UBE2F: variants seen among roughly 807,000 people sequenced by gnomAD.
The protein encoded by UBE2F is ubiquitin conjugating enzyme E2 F (putative), also known as NEDD8-conjugating enzyme UBE2F.
In UBE2F, 5 loss-of-function variants were observed where a neutral mutation model predicts 29.6. The observed-to-expected ratio is 0.17, with a 90% confidence interval of 0.09 to 0.36. The LOEUF (loss-of-function observed/expected upper bound fraction) is 0.36. Among genes scored for constraint, UBE2F ranks in the 10% least tolerant of loss-of-function variants. The pLI is 1.00. For synonymous variants in UBE2F, 66 were observed against 81.8 expected (o/e 0.81, Z 1.04); for missense variants, 141 against 228.5 (o/e 0.62, Z 2.47).
chr2:237,984,996 CAAAAAA>C (rs55984976), intron 2 of UBE2F, among the ~76,000 whole-genome samples: 2 of 129,972 alleles, frequency 1.5e-5, no homozygotes. Context: ...TGGAAAAAGG[CAAAAAA>C]AAAAAAAAAA....
chr2:237,991,870 C>CTT (rs71402746), intron 3 of UBE2F, among the ~76,000 whole-genome samples: 59 of 142,610 alleles, frequency 4.1e-4, no homozygotes, highest in South Asian at 8.9e-4. Flanking sequence ...TTGATAATTT[C>CTT]TTTTTTTTTT....
chr2:238,009,809 G>T (rs2063978469), intron 4 of UBE2F, among the ~76,000 whole-genome samples: 1 of 152,106 alleles, frequency 6.6e-6, no homozygotes, highest in Non-Finnish European at 1.5e-5. Context: ...TTTAAAGTTT[G>T]CATAGGATGT....
chr2:237,992,646 A>G (rs969888674), intron 3 of UBE2F, among the ~76,000 whole-genome samples: 20 of 152,336 alleles, frequency 1.3e-4, no homozygotes, highest in African/African-American at 4.8e-4. Context: ...GGCATGAGGT[A>G]GGGGAAGGAG....
intron 2 of UBE2F, among the ~76,000 whole-genome samples, chr2:237,987,097 A>G (rs1305814126): frequency 1.3e-5 from 2 of 152,206 alleles, no homozygotes; most frequent in African/African-American, 4.8e-5. Context: ...ACATTTTAAC[A>G]ATATTAATTC....
intron 3 of UBE2F, among the ~76,000 whole-genome samples, chr2:237,990,888 T>A (rs1410683063): frequency 6.6e-6 from 1 of 152,172 alleles, no homozygotes; most frequent in Non-Finnish European, 1.5e-5. Flanking sequence ...AGAGCTGAGA[T>A]GACAGGCACG....
intron 9 of UBE2F, among the ~76,000 whole-genome samples, chr2:238,036,628 A>C (rs2064715419): frequency 6.6e-6 from 1 of 152,088 alleles, no homozygotes; most frequent in Admixed American, 6.6e-5. Context: ...TGAGCTCAGG[A>C]GTTTGAGACC....
intron 4 of UBE2F, chr2:238,003,431 A>G (rs1023683572): frequency 1.9e-5 from 9 of 470,536 alleles, no homozygotes; most frequent in Admixed American, 2.3e-5. Flanking sequence ...CCATCATCTG[A>G]TACAGAGACA....
chr2:238,037,251 G>A (rs1334667660), intron 9 of UBE2F, among the ~76,000 whole-genome samples: 1 of 152,210 alleles, frequency 6.6e-6, no homozygotes, highest in African/African-American at 2.4e-5. Flanking sequence ...GAAGAAAAAG[G>A]TATAACAAAA....
intron 7 of UBE2F, among the ~76,000 whole-genome samples, chr2:238,031,710 C>A (rs1350580334): frequency 6.6e-6 from 1 of 152,330 alleles, no homozygotes; most frequent in African/African-American, 2.4e-5. Flanking sequence ...ATGAAAATCT[C>A]TGATCCTTGA....
chr2:238,014,274 G>T (rs992448749), intron 4 of UBE2F, among the ~76,000 whole-genome samples: 2 of 152,182 alleles, frequency 1.3e-5, no homozygotes, highest in African/African-American at 4.8e-5. Flanking sequence ...TCTAAAAACT[G>T]TGCAACTTCA....
At chr2:238,028,767 T>C (rs1170093383) in intron 6 of UBE2F, among the ~76,000 whole-genome samples, 3 of 152,230 alleles carry the variant, frequency 2.0e-5, no homozygotes, top group Admixed American at 2.0e-4. Flanking sequence ...AATTGACTTT[T>C]GTGAATTTAA....
chr2:237,969,929 C>CA (rs1242522443), intron 1 of UBE2F, among the ~76,000 whole-genome samples: 1 of 152,208 alleles, frequency 6.6e-6, no homozygotes, highest in African/African-American at 2.4e-5. Flanking sequence ...GGAGATGGCA[C>CA]AGTAGCGTAA....
intron 5 of UBE2F, among the ~76,000 whole-genome samples, chr2:238,021,455 G>A (rs916727485): frequency 9.9e-5 from 15 of 152,184 alleles, no homozygotes; most frequent in African/African-American, 3.6e-4. Context: ...ACTCTCTAAT[G>A]TCTGTTGCAG....
intron 3 of UBE2F, among the ~76,000 whole-genome samples, chr2:237,990,093 G>A (rs985370532): frequency 4.3e-5 from 6 of 140,664 alleles, no homozygotes; most frequent in South Asian, 2.4e-4. Context: ...ACTCCTGGGC[G>A]ATGGAGTGAG....
intron 5 of UBE2F, among the ~76,000 whole-genome samples, chr2:238,018,177 G>A (rs1038264505): frequency 2.0e-5 from 3 of 152,172 alleles, no homozygotes; most frequent in African/African-American, 7.2e-5. Flanking sequence ...ATGTCCGGTG[G>A]GAGGTGGTTC....
intron 4 of UBE2F, among the ~76,000 whole-genome samples, chr2:238,009,021 ATTC>A (rs2063961730): frequency 6.6e-6 from 1 of 152,160 alleles, no homozygotes; most frequent in South Asian, 2.1e-4. Flanking sequence ...TGAAGTTTGA[ATTC>A]TTAAGTTGAC....
chr2:238,013,553 A>G (rs2064088768), intron 4 of UBE2F, among the ~76,000 whole-genome samples: 1 of 151,700 alleles, frequency 6.6e-6, no homozygotes, highest in Admixed American at 6.6e-5. Flanking sequence ...AGCTGGCATG[A>G]CTCCTTGGCC....
At chr2:237,981,394 G>A (rs13420586) in intron 2 of UBE2F, among the ~76,000 whole-genome samples, 18,644 of 151,938 alleles carry the variant, frequency 0.12, 1,941 homozygotes, top group African/African-American at 0.29. Flanking sequence ...TTTCTGCCCT[G>A]GTGGAACTAA....
intron 7 of UBE2F, 151 bp downstream of exon 7, chr2:238,030,764 A>C (rs62194547): frequency 3.0e-6 from 2 of 663,496 alleles, no homozygotes; most frequent in East Asian, 2.8e-5. Context: ...CCTGCTGCCT[A>C]GGCTACTTAG....
Sources: allele counts gnomAD v4.1 joint callset (sites outside exome capture counted in the v4.1 genomes callset), GRCh38; gene constraint gnomAD v4.1.1; transcripts MANE v1.5; gene names NCBI Gene and HGNC (gene_info 2026-07-23, HGNC 2026-07-21).